Variants in NID1 observed in about 807,000 individuals in gnomAD.
NID1 encodes nidogen-1.
NID1 carries 76 observed loss-of-function variants against 130.6 expected under a neutral mutation model. The observed-to-expected ratio is 0.58, with a 90% confidence interval of 0.48 to 0.70. The LOEUF (loss-of-function observed/expected upper bound fraction) is 0.70, where lower values mean the gene tolerates loss of function less well. NID1 is among the 30% of genes least tolerant of loss of function. NID1 has a pLI of 0.00. For missense variants in NID1, 1,517 were observed against 1,664.8 expected (o/e 0.91, Z 1.54); for synonymous variants, 665 against 675.1 (o/e 0.98, Z 0.23).
intron 15 of NID1, 81 bp from the exon 16 acceptor site, chr1:235,981,863 A>G: frequency 7.7e-7 from 1 of 1,294,796 alleles, no homozygotes; most frequent in Non-Finnish European, 1.1e-6. Context: ...ACTCAATGTT[A>G]TTTCACATGG....
In NID1 at chr1:236,048,780, G is replaced by A; in HGVS notation, c.435C>T (p.Ile145=). Residue 145 remains isoleucine, a synonymous_variant, in exon 2 of 20, where the codon ATC becomes ATT. Transcript: ENST00000264187. The part of the protein sequence containing the change: ...AECVHRGFPE[I]SFQPSSAVVV... ...CCACCGCGCTACTAGGCTGGAAAGAGATCTCCGGGAACCCTCTGTGGACAC... is the reference window on the plus strand; with the variant it reads ...CCACCGCGCTACTAGGCTGGAAAGAAATCTCCGGGAACCCTCTGTGGACAC... The A allele has an allele frequency of 6.2e-7, 1 of 1,614,004 alleles. No homozygotes were observed. Among genetic ancestry groups the A allele is most frequent in the South Asian group, 1.1e-5 (1 of 91,070 alleles).
chr1:236,029,653 G>A lies in NID1; in HGVS notation c.1635C>T (p.His545=), dbSNP rs142219161. 6.2e-7 allele frequency: 1 copy of A among 1,613,740 alleles called. No individual in the cohort carries two copies. The highest frequency in any genetic ancestry group is 1.7e-4 in the Middle Eastern group (1 of 6,040). The change falls in exon 7 of 20, where the codon CAC becomes CAT. Residue 545 remains histidine (H), a synonymous_variant. Transcript: ENST00000264187. ...QRFSGIDEHG[H]LTIDTELEGR... ...CCTCCAGCTCCGTGTCGATGGTCAGGTGCCCATGCTCATCGATGCCGCTGA... is the reference window on the plus strand; with the variant it reads ...CCTCCAGCTCCGTGTCGATGGTCAGATGCCCATGCTCATCGATGCCGCTGA...
intron 1 of NID1, among the ~76,000 whole-genome samples, chr1:236,057,782 A>AAAAT (rs1659937803): frequency 6.6e-6 from 1 of 152,152 alleles, no homozygotes; most frequent in African/African-American, 2.4e-5. Context: ...AAAAGAAAAA[A>AAAAT]AGAAAAAGAA....
At chr1:236,064,805 G>T (rs1403144686) in intron 1 of NID1, 50 bp downstream of exon 1, 1 of 1,545,350 alleles carries the variant, frequency 6.5e-7, no homozygotes, top group Non-Finnish European at 8.8e-7. Context: ...GGGCGCCCCC[G>T]GCCCGCCGCG....
chr1:236,062,322 C>T (rs551790050), intron 1 of NID1, among the ~76,000 whole-genome samples: 1 of 152,162 alleles, frequency 6.6e-6, no homozygotes, highest in East Asian at 1.9e-4. Flanking sequence ...AAAGTTAAAT[C>T]GTGTCAGCCA....
chr1:236,038,806 T>A lies in NID1; in HGVS notation c.1136-553A>T, dbSNP rs959544697. On this transcript the variant is annotated intron_variant, in intron 4 of 19. Transcript: ENST00000264187. Reference sequence around the variant, plus strand: ...TATGCTATATAGGTCATATATAATATATATTACCTATGTTATATAGGTCAT... The same window carrying A: ...TATGCTATATAGGTCATATATAATAAATATTACCTATGTTATATAGGTCAT... Among the ~76,000 whole-genome samples the A allele has an allele frequency of 7.6e-4, 87 of 113,930 alleles. 3 individuals carry two copies. The Middle Eastern group carries it at 0.013, about 17-fold the overall frequency. The allele number at this position is 113,930 out of a possible 152,430, so 74.7% of individuals were successfully genotyped here. A position where few individuals can be genotyped will look rare whatever the true frequency, so the allele number is the denominator to read the frequency against.
chr1:236,001,188 C>T (rs549110729), intron 12 of NID1, among the ~76,000 whole-genome samples: 2 of 151,856 alleles, frequency 1.3e-5, no homozygotes, highest in Admixed American at 6.6e-5. Context: ...TTACCGCAAC[C>T]TCTGCCTCCC....
intron 1 of NID1, among the ~76,000 whole-genome samples, chr1:236,050,440 C>G (rs546842413): frequency 5.3e-5 from 8 of 152,016 alleles, no homozygotes; most frequent in Non-Finnish European, 1.2e-4. Context: ...ATAATCCCAG[C>G]TACTCAGGAG....
intron 12 of NID1, among the ~76,000 whole-genome samples, chr1:236,003,060 ATCACTCCTAGTGAACGAGTGGTAGTTG>A (rs1267211626): frequency 2.2e-5 from 3 of 134,626 alleles, no homozygotes; most frequent in Non-Finnish European, 4.8e-5. Flanking sequence ...ATCACTGGTT[ATCACTCCTAGTGAACGAGTGGTAGTTG>A]TCACTCCTAG....
rs376132064 is a variant in NID1, at chr1:235,981,753, C to T, written c.3085G>A (p.Asp1029Asn). 2.5e-6 allele frequency: 4 copies of T among 1,613,574 alleles called. No homozygotes were observed. Among genetic ancestry groups the T allele is most frequent in the Admixed American group, 1.7e-5 (1 of 59,902 alleles). Residue 1029 changes from aspartate (D) to asparagine (N), a missense_variant, in exon 16 of 20, where the codon GAT becomes AAT. Around this residue, in one of 3 missense-constraint regions of NID1, gnomAD observed 1,329 missense variants for 1,429.2 expected, o/e 0.93. Transcript: ENST00000264187. ...DLGSPEGIAV[D>N]HLGRNIFWTD... The stretch of plus-strand genomic sequence containing the variant: ...CAGAAGATGTTGCGGCCAAGGTGAT[C>T]AACAGCGATACCTTCTGGACTTCCA...
At position 235,979,834 on chromosome 1, in the gene NID1, G is replaced by T; in HGVS notation, c.3497C>A (p.Thr1166Lys). The T allele has an allele frequency of 6.2e-7, 1 of 1,613,930 alleles. No homozygotes were observed. The highest frequency in any genetic ancestry group is 8.5e-7 in the Non-Finnish European group (1 of 1,179,876). Reference protein sequence around the residue: ...VTSYGKNLYFTDWKMNSVVAL... With the variant: ...VTSYGKNLYFKDWKMNSVVAL... ...ACAGCTGACGTACATCTTCCAGTCT[G>T]TGAAATACAGATTCTTCCCGTAGCT... is the stretch of plus-strand genomic sequence containing the variant. Residue 1166 changes from threonine to lysine, a missense_variant, in exon 18 of 20, where the codon ACA becomes AAA. Physicochemically the swap from Thr to Lys is moderately conservative, Grantham distance 78. Around this residue, in one of 3 missense-constraint regions of NID1, gnomAD observed 181 missense variants for 211.3 expected, o/e 0.86. Transcript: ENST00000264187. The surrounding 1 kb of genome is among the most constrained non-coding windows in gnomAD (Gnocchi z 4.6).
intron 16 of NID1, among the ~76,000 whole-genome samples, chr1:235,981,218 G>A (rs942253078): frequency 6.6e-6 from 1 of 152,216 alleles, no homozygotes; most frequent in Non-Finnish European, 1.5e-5. Context: ...GAAACACACA[G>A]GAAGGGATCT....
chr1:236,043,484 G>T (rs1659510939), intron 3 of NID1, among the ~76,000 whole-genome samples: 1 of 152,130 alleles, frequency 6.6e-6, no homozygotes, highest in African/African-American at 2.4e-5. Flanking sequence ...TGAAAACATT[G>T]CAGACGTGGT....
chr1:236,042,207 T>A lies in NID1; in HGVS notation c.838A>T (p.Ile280Phe), dbSNP rs1189116139. 2 of 1,613,290 alleles carry A rather than the reference T, an allele frequency of 1.2e-6. No individual in the cohort carries two copies. The highest frequency in any genetic ancestry group is 8.5e-7 in the Non-Finnish European group (1 of 1,180,010). Residue 280 changes from isoleucine (I) to phenylalanine (F), a missense_variant, in exon 4 of 20, where the codon ATC becomes TTC. By Grantham distance (21) the Ile-to-Phe change is conservative. This residue lies in a region of NID1 where 1,329 missense variants were observed against 1,429.2 expected (regional missense o/e 0.93). Coordinates refer to ENST00000264187, the MANE Select transcript of NID1 (RefSeq NM_002508.3). The part of the protein sequence containing the change: ...TTNGVVPADV[I>F]LGTEDGAEYD... Reference sequence around the variant, plus strand: ...TCTGCCCCATCTTCAGTTCCGAGGATCACGTCTGCAGGCACCACGCCATTG... The same window carrying A: ...TCTGCCCCATCTTCAGTTCCGAGGAACACGTCTGCAGGCACCACGCCATTG...
chr1:236,053,162 A>T (rs1659808872), intron 1 of NID1, among the ~76,000 whole-genome samples: 1 of 152,144 alleles, frequency 6.6e-6, no homozygotes, highest in Non-Finnish European at 1.5e-5. Flanking sequence ...TGGGTAAATA[A>T]TATCTTGGTT....
chr1:235,980,458 T>G, intron 17 of NID1, 38 bp downstream of exon 17: 1 of 1,603,774 alleles, frequency 6.2e-7, no homozygotes, highest in East Asian at 2.2e-5. Flanking sequence ...ACTTAGGAGA[T>G]TGAGACCCGC....
intron 5 of NID1, among the ~76,000 whole-genome samples, chr1:236,036,112 A>G (rs1321564719): frequency 6.6e-6 from 1 of 152,220 alleles, no homozygotes; most frequent in African/African-American, 2.4e-5. Context: ...AGAAAAGGCT[A>G]AGAGGTTGCT....
At chr1:236,052,157 T>C (rs1293053519) in intron 1 of NID1, among the ~76,000 whole-genome samples, 1 of 152,264 alleles carries the variant, frequency 6.6e-6, no homozygotes, top group East Asian at 1.9e-4. Flanking sequence ...AAACTTCATT[T>C]TCCTGGAAGT....
intron 13 of NID1, among the ~76,000 whole-genome samples, chr1:235,991,687 GT>G (rs1657744254): frequency 6.6e-6 from 1 of 151,934 alleles, no homozygotes; most frequent in African/African-American, 2.4e-5. Context: ...TTAGGCACTG[GT>G]GCTAGAGGAA....
Sources: gnomAD v4.1 joint callset for allele counts (sites outside exome capture counted in the v4.1 genomes callset) on GRCh38, gnomAD v4.1.1 for gene constraint, gnomAD v4.1.1 regional missense constraint, Gnocchi (gnomAD v3.1) non-coding constraint, MANE v1.5 for transcripts, NCBI Gene and HGNC (gene_info 2026-07-23, HGNC 2026-07-21) for gene names.